The following BRINP3 variants were observed in gnomAD, a reference collection of about 807,000 sequenced individuals.
BRINP3 encodes the protein BMP/retinoic acid inducible neural specific 3.
BRINP3 carries 19 observed loss-of-function variants against 71.0 expected under a neutral mutation model. The observed-to-expected ratio is 0.27, with a 90% confidence interval of 0.19 to 0.39. The LOEUF is 0.39. Among genes scored for constraint, BRINP3 ranks in the 10% least tolerant of loss-of-function variants. The pLI, the probability that BRINP3 is intolerant of heterozygous loss-of-function variation, is 1.00. For missense variants in BRINP3, 959 were observed against 940.8 expected, an observed-to-expected ratio of 1.02 and a Z score of -0.25; for synonymous variants, 380 against 337.7, an observed-to-expected ratio of 1.13 and a Z score of -1.37.
At chr1:190,147,629 G>A (rs1456374859) in intron 7 of BRINP3, among the ~76,000 whole-genome samples, 1 of 152,098 alleles carries the variant, frequency 6.6e-6, no homozygotes, top group Non-Finnish European at 1.5e-5. Flanking sequence ...TTCTTACTTG[G>A]TTACCTTTCC....
chr1:190,171,008 A>T (rs1651960912), intron 6 of BRINP3, among the ~76,000 whole-genome samples: 1 of 152,108 alleles, frequency 6.6e-6, no homozygotes, highest in Non-Finnish European at 1.5e-5. Flanking sequence ...TAATGCCTGG[A>T]GAAAAGTTGC....
intron 7 of BRINP3, among the ~76,000 whole-genome samples, chr1:190,115,029 A>G (rs1653012844): frequency 6.6e-6 from 1 of 151,946 alleles, no homozygotes; most frequent in South Asian, 2.1e-4. Flanking sequence ...TTCTTGTTGC[A>G]TTTATTTTTC....
chr1:190,117,531 AT>A lies in BRINP3; in HGVS notation c.1185-18398del, dbSNP rs562020255. 2.6e-3 allele frequency among the ~76,000 whole-genome samples: 389 copies of A among 151,936 alleles called. 1 individual carries two copies. Among genetic ancestry groups the A allele is most frequent in the Non-Finnish European group, 4.6e-3 (314 of 67,816 alleles). ...TTATATGTTTTATCTACCAATTCCC[AT>A]TTTTTTGTTAGGTTGGGGAAGCAGG... On this transcript the variant is annotated intron_variant, in intron 7 of 7. Transcript: ENST00000367462.
chr1:190,401,978 T>A lies in BRINP3; in HGVS notation c.236+52677A>T, dbSNP rs549319979. Among the ~76,000 whole-genome samples, 41 of 152,116 alleles carry A rather than the reference T, an allele frequency of 2.7e-4. No homozygotes were observed. In the East Asian group the frequency reaches 6.8e-3, roughly 25 times the overall value. On this transcript the variant is annotated intron_variant, in intron 2 of 7. Coordinates refer to ENST00000367462, the MANE Select transcript of BRINP3 (RefSeq NM_199051.3). ...GAACAACTATATATATACTTGATAC[T>A]TGATATGAACAACTATATATATATT...
intron 2 of BRINP3, among the ~76,000 whole-genome samples, chr1:190,387,511 G>C (rs1571922962): frequency 6.6e-6 from 1 of 151,884 alleles, no homozygotes; most frequent in Non-Finnish European, 1.5e-5. Flanking sequence ...GGAAGGCAAT[G>C]AAAACTAGAG....
At chr1:190,113,181 A>T (rs976309148) in intron 7 of BRINP3, among the ~76,000 whole-genome samples, 2 of 152,120 alleles carry the variant, frequency 1.3e-5, no homozygotes, top group African/African-American at 4.8e-5. Context: ...TATTATAATC[A>T]TGGTAATAGT....
At chr1:190,136,909 T>A (rs7512737) in intron 7 of BRINP3, among the ~76,000 whole-genome samples, 3 of 151,874 alleles carry the variant, frequency 2.0e-5, no homozygotes, top group African/African-American at 7.3e-5. Flanking sequence ...TTTATTTAAA[T>A]TGACCCCAAA....
chr1:190,198,644 C>A (rs967207263), intron 6 of BRINP3, among the ~76,000 whole-genome samples: 2 of 152,160 alleles, frequency 1.3e-5, no homozygotes, highest in Admixed American at 1.3e-4. Context: ...TGCTGCCAGT[C>A]TCTTTGCAAG....
chr1:190,228,131 T>G (rs2102709955), intron 5 of BRINP3, among the ~76,000 whole-genome samples: 1 of 152,052 alleles, frequency 6.6e-6, no homozygotes, highest in African/African-American at 2.4e-5. Flanking sequence ...CTTAGAGGCA[T>G]AAAATGATAC....
At chr1:190,142,231 C>G (rs1205069455) in intron 7 of BRINP3, among the ~76,000 whole-genome samples, 1 of 152,004 alleles carries the variant, frequency 6.6e-6, no homozygotes, top group Non-Finnish European at 1.5e-5. Context: ...TTATTTTCAA[C>G]TAATAATGGG....
At chr1:190,431,994 A>C (rs1674127878) in intron 2 of BRINP3, among the ~76,000 whole-genome samples, 1 of 152,186 alleles carries the variant, frequency 6.6e-6, no homozygotes, top group Non-Finnish European at 1.5e-5. Flanking sequence ...GAACCAAATA[A>C]TGCTATTAAA....
intron 2 of BRINP3, among the ~76,000 whole-genome samples, chr1:190,285,406 G>T (rs1470583737): frequency 6.6e-6 from 1 of 152,048 alleles, no homozygotes; most frequent in Admixed American, 6.6e-5. Flanking sequence ...GAATTGCTAT[G>T]GTCCACATAT....
chr1:190,473,540 C>CT (rs201424484), intron 1 of BRINP3, among the ~76,000 whole-genome samples: 6,868 of 133,044 alleles, frequency 0.052, 394 homozygotes, highest in African/African-American at 0.14. Context: ...TAATTTTTCT[C>CT]TTTTTTTTTT....
intron 6 of BRINP3, among the ~76,000 whole-genome samples, chr1:190,174,177 T>C (rs911220440): frequency 9.2e-5 from 14 of 152,302 alleles, no homozygotes; most frequent in Non-Finnish European, 1.6e-4. Flanking sequence ...TCATCAGTCC[T>C]ATGAAGTAAA....
chr1:190,380,474 T>C (rs930648926), intron 2 of BRINP3, among the ~76,000 whole-genome samples: 7 of 152,162 alleles, frequency 4.6e-5, no homozygotes, highest in Non-Finnish European at 8.8e-5. Context: ...GAGATCTGTA[T>C]AGGAGAAACA....
intron 4 of BRINP3, among the ~76,000 whole-genome samples, chr1:190,251,957 T>C (rs1394368180): frequency 3.3e-5 from 5 of 151,464 alleles, no homozygotes; most frequent in Non-Finnish European, 4.4e-5. Context: ...AATAAAAAGA[T>C]GATTTTGAAA....
At chr1:190,188,439 T>G (rs1370469525) in intron 6 of BRINP3, among the ~76,000 whole-genome samples, 1 of 152,166 alleles carries the variant, frequency 6.6e-6, no homozygotes, top group Admixed American at 6.5e-5. Flanking sequence ...GTCTTTTTCT[T>G]GGTTTTAGAG....
intron 7 of BRINP3, among the ~76,000 whole-genome samples, chr1:190,145,219 A>G (rs1655784217): frequency 6.6e-6 from 1 of 152,186 alleles, no homozygotes; most frequent in South Asian, 2.1e-4. Flanking sequence ...CATACATGAC[A>G]TTAAATGTTT....
intron 2 of BRINP3, among the ~76,000 whole-genome samples, chr1:190,412,414 T>TAC (rs36065056): frequency 0.16 from 22,961 of 141,180 alleles, 1,909 homozygotes; most frequent in Middle Eastern, 0.22. Context: ...TATATATATA[T>TAC]ACACTTTTTT....
Sources: gnomAD v4.1 joint callset for allele counts (sites outside exome capture counted in the v4.1 genomes callset) on GRCh38, gnomAD v4.1.1 for gene constraint, MANE v1.5 for transcripts, NCBI Gene and HGNC (gene_info 2026-07-23, HGNC 2026-07-21) for gene names.